GPC6: variants seen among roughly 807,000 people sequenced by gnomAD.
GPC6 encodes the protein glypican 6, also known as glypican-6.
GPC6 carries 14 observed loss-of-function variants against 55.2 expected under a neutral mutation model. The observed-to-expected ratio is 0.25, with a 90% CI of 0.17 to 0.40. GPC6 has a LOEUF of 0.40. Ranked by LOEUF, GPC6 falls within the 10% of genes least tolerant of loss-of-function variation. The pLI is 1.00. For synonymous variants in GPC6, 278 were observed against 259.6 expected (o/e 1.07, Z -0.68); for missense variants, 641 against 708.5 (o/e 0.90, Z 1.08).
intron 3 of GPC6, among the ~76,000 whole-genome samples, chr13:93,885,473 G>A (rs1439572327): frequency 6.6e-6 from 1 of 150,882 alleles, no homozygotes; most frequent in African/African-American, 2.4e-5. Flanking sequence ...TTTATTTAAG[G>A]AAGCAGGAGA....
At chr13:94,043,221 C>G (rs1400899287) in intron 4 of GPC6, among the ~76,000 whole-genome samples, 1 of 151,798 alleles carries the variant, frequency 6.6e-6, no homozygotes, top group Non-Finnish European at 1.5e-5. Context: ...GTATTAGAAA[C>G]CAAGGTCTGG....
intron 4 of GPC6, among the ~76,000 whole-genome samples, chr13:94,239,618 G>A (rs1005771912): frequency 6.6e-6 from 1 of 152,014 alleles, no homozygotes; most frequent in African/African-American, 2.4e-5. Context: ...AGCACTCTCG[G>A]CATTAGAGTC....
intron 4 of GPC6, among the ~76,000 whole-genome samples, chr13:94,254,294 A>T (rs1177894091): frequency 6.6e-6 from 1 of 152,132 alleles, no homozygotes; most frequent in Admixed American, 6.6e-5. Flanking sequence ...TAAGGACTTT[A>T]TGAAGTTATT....
At chr13:93,674,706 T>G (rs1448100073) in intron 2 of GPC6, among the ~76,000 whole-genome samples, 1 of 152,184 alleles carries the variant, frequency 6.6e-6, no homozygotes, top group Non-Finnish European at 1.5e-5. Flanking sequence ...TTTAGTGTTG[T>G]GCTGATGAAA....
At chr13:94,267,423 A>G (rs1891853386) in intron 4 of GPC6, among the ~76,000 whole-genome samples, 1 of 152,170 alleles carries the variant, frequency 6.6e-6, no homozygotes, top group African/African-American at 2.4e-5. Context: ...TACATAACAA[A>G]TATATGTGAA....
chr13:94,050,073 T>C (rs867363201), intron 4 of GPC6, among the ~76,000 whole-genome samples: 2 of 152,206 alleles, frequency 1.3e-5, no homozygotes, highest in Middle Eastern at 6.8e-3. Flanking sequence ...GAACTGTGAG[T>C]CCATTAAACC....
At chr13:93,418,206 G>A (rs1322107877) in intron 1 of GPC6, among the ~76,000 whole-genome samples, 5 of 151,378 alleles carry the variant, frequency 3.3e-5, no homozygotes, top group African/African-American at 1.2e-4. Context: ...TTCGATATAG[G>A]CATATAATGC....
At chr13:94,077,545 C>T (rs1326414681) in intron 4 of GPC6, among the ~76,000 whole-genome samples, 2 of 151,636 alleles carry the variant, frequency 1.3e-5, no homozygotes, top group East Asian at 3.9e-4. Flanking sequence ...CTGCCTTGTT[C>T]CTGATCTCAG....
chr13:94,076,086 C>T (rs983062050), intron 4 of GPC6, among the ~76,000 whole-genome samples: 4 of 151,558 alleles, frequency 2.6e-5, no homozygotes, highest in African/African-American at 9.7e-5. Flanking sequence ...CAACAGAGTG[C>T]AGGGGTTCCA....
intron 3 of GPC6, among the ~76,000 whole-genome samples, chr13:93,844,196 T>A (rs1423283256): frequency 6.6e-6 from 1 of 152,134 alleles, no homozygotes; most frequent in Admixed American, 6.6e-5. Context: ...TGGAGTGCAA[T>A]GCCACGATCT....
intron 1 of GPC6, among the ~76,000 whole-genome samples, chr13:93,295,553 T>TCACTGCAAGCTTCGCCTCCCAGGTTCACA (rs1878466778): frequency 1.3e-5 from 2 of 151,970 alleles, no homozygotes; most frequent in Non-Finnish European, 2.9e-5. Context: ...CGATCTCGGC[T>TCACTGCAAGCTTCGCCTCCCAGGTTCACA]CACTGCAAGC....
intron 4 of GPC6, among the ~76,000 whole-genome samples, chr13:94,272,463 CTTTTTTTTTTTTTTT>C (rs555664508): frequency 4.1e-4 from 35 of 85,748 alleles, no homozygotes; most frequent in African/African-American, 1.9e-3. Flanking sequence ...CTTTTCTTTT[CTTTTTTTTTTTTTTT>C]TTTTTTTTGA....
chr13:94,205,857 A>G (rs1423357126), intron 4 of GPC6, among the ~76,000 whole-genome samples: 2 of 152,224 alleles, frequency 1.3e-5, no homozygotes, highest in African/African-American at 2.4e-5. Flanking sequence ...AAACTAAACC[A>G]TGAGTTATCT....
rs565891773 is a variant in GPC6 at position 93,476,388 on chromosome 13, C to A, written c.161-68875C>A. On this transcript the variant is annotated intron_variant, in intron 1 of 8. Coordinates refer to ENST00000377047, the MANE Select transcript of GPC6 (RefSeq NM_005708.5). Reference sequence around the variant, plus strand: ...GCTCCCCTCTTGACTTCTCTCCAGTCTTAGTCATCCATTGGCATGTCAGTA... The same window carrying A: ...GCTCCCCTCTTGACTTCTCTCCAGTATTAGTCATCCATTGGCATGTCAGTA... Among the ~76,000 whole-genome samples the A allele has an allele frequency of 2.6e-5, 4 of 152,206 alleles. No homozygotes were observed. In the South Asian group the frequency reaches 8.3e-4, roughly 32 times the overall value.
At chr13:93,253,292 T>C (rs992616758) in intron 1 of GPC6, among the ~76,000 whole-genome samples, 2 of 152,228 alleles carry the variant, frequency 1.3e-5, no homozygotes, top group African/African-American at 4.8e-5. Context: ...GAATGATCTA[T>C]TTATGATGGA....
intron 6 of GPC6, among the ~76,000 whole-genome samples, chr13:94,331,260 T>C (rs866469750): frequency 2.0e-5 from 3 of 152,148 alleles, no homozygotes; most frequent in Middle Eastern, 3.2e-3. Flanking sequence ...ATTTAGATAT[T>C]GTCTAATGCT....
intron 1 of GPC6, among the ~76,000 whole-genome samples, chr13:93,364,789 C>T (rs1333477808): frequency 1.3e-5 from 2 of 150,954 alleles, no homozygotes; most frequent in Non-Finnish European, 3.0e-5. Context: ...CATATCTTGC[C>T]CAATTGGCTA....
At position 93,545,337 on chromosome 13, in the gene GPC6, A is replaced by G. The variant is rs1480590273; in HGVS notation, c.235A>G (p.Ser79Gly). ...TEMEDKLSQQ[S>G]KLEFENLVEE... ...AATGGAAGACAAGTTAAGCCAACAAAGCAAACTCGAATTTGAAAACCTTGT... is the reference window on the plus strand; with the variant it reads ...AATGGAAGACAAGTTAAGCCAACAAGGCAAACTCGAATTTGAAAACCTTGT... The change falls in exon 2 of 9, where the codon AGC (serine) becomes GGC (glycine). Residue 79 changes from serine to glycine, a missense_variant. Ser to Gly is a moderately conservative substitution (Grantham distance 56). Transcript: ENST00000377047. 1 of 1,613,728 alleles carries G rather than the reference A, an allele frequency of 6.2e-7. No individual in the cohort carries two copies. Among genetic ancestry groups the G allele is most frequent in the Non-Finnish European group, 8.5e-7 (1 of 1,179,644 alleles).
intron 1 of GPC6, among the ~76,000 whole-genome samples, chr13:93,309,702 T>C (rs1464354867): frequency 6.6e-6 from 1 of 152,188 alleles, no homozygotes; most frequent in Non-Finnish European, 1.5e-5. Flanking sequence ...TTACTTTTTA[T>C]TTTTATAAAT....
Sources: allele counts gnomAD v4.1 joint callset (sites outside exome capture counted in the v4.1 genomes callset), GRCh38; gene constraint gnomAD v4.1.1; transcripts MANE v1.5; gene names NCBI Gene and HGNC (gene_info 2026-07-23, HGNC 2026-07-21).